Variants in NTN4 observed in about 807,000 individuals in gnomAD.
NTN4 encodes netrin-4.
Under a neutral mutation model 73.6 loss-of-function variants are expected in NTN4, and 32 were observed. The ratio of observed to expected loss-of-function variants is 0.44; its 90% confidence interval spans 0.33 to 0.58. The LOEUF (loss-of-function observed/expected upper bound fraction) is 0.58. Ranked by LOEUF, NTN4 falls within the 20% of genes least tolerant of loss-of-function variation. NTN4 has a pLI of 0.04. For synonymous variants in NTN4, 258 were observed against 287.5 expected, an observed-to-expected ratio of 0.90 and a Z score of 1.04; for missense variants, 654 against 798.3, an observed-to-expected ratio of 0.82 and a Z score of 2.18.
At chr12:95,672,216 C>T (rs1397895302) in intron 7 of NTN4, 25 of 451,040 alleles carry the variant, frequency 5.5e-5, no homozygotes, top group East Asian at 1.0e-4. Context: ...GGGGGGCGGG[C>T]GGGGGGAGGG....
Position 95,665,627 on chromosome 12 carries a change from G to C in NTN4, c.1750+183C>G, listed in dbSNP as rs770782413. On this transcript the variant is annotated intron_variant, in intron 9 of 9. Transcript: ENST00000343702. ...ATATTAAACTTTTATAGAGCACATGGAAGAGAAATAATTTTTCGATGTTAG... is the reference window on the plus strand; with the variant it reads ...ATATTAAACTTTTATAGAGCACATGCAAGAGAAATAATTTTTCGATGTTAG... 24 of 491,560 alleles carry C rather than the reference G, an allele frequency of 4.9e-5. 1 individual carries two copies. Among genetic ancestry groups the C allele is most frequent in the Non-Finnish European group, 5.4e-5 (15 of 278,020 alleles). 30.4% of individuals were successfully genotyped at this position (491,560 alleles called of 1,614,324 possible). A position where few individuals can be genotyped will look rare whatever the true frequency, so the allele number is the denominator to read the frequency against.
At chr12:95,739,574 A>G (rs942241361) in intron 2 of NTN4, among the ~76,000 whole-genome samples, 2 of 152,222 alleles carry the variant, frequency 1.3e-5, no homozygotes, top group East Asian at 3.8e-4. Flanking sequence ...TGGGCTTTAT[A>G]TGGAACTGAT....
At chr12:95,705,544 G>A (rs888671729) in intron 5 of NTN4, among the ~76,000 whole-genome samples, 3 of 151,956 alleles carry the variant, frequency 2.0e-5, no homozygotes, top group South Asian at 2.1e-4. Context: ...TCTTCCTTCT[G>A]TTCCTTTTTG....
intron 2 of NTN4, among the ~76,000 whole-genome samples, chr12:95,738,884 G>C (rs1218574829): frequency 6.6e-6 from 1 of 152,198 alleles, no homozygotes; most frequent in Admixed American, 6.5e-5. Flanking sequence ...CCAGTAGCCA[G>C]AGTGGTTCTC....
chr12:95,724,635 A>G (rs1183811073), intron 3 of NTN4, among the ~76,000 whole-genome samples: 2 of 152,234 alleles, frequency 1.3e-5, no homozygotes, highest in African/African-American at 2.4e-5. Context: ...GCAAAAGATG[A>G]TCAACAAGTA....
At chr12:95,677,215 T>G (rs889784262) in intron 7 of NTN4, among the ~76,000 whole-genome samples, 5 of 151,262 alleles carry the variant, frequency 3.3e-5, no homozygotes, top group African/African-American at 1.2e-4. Flanking sequence ...GGTGACAGAG[T>G]GAGACTCCAA....
At chr12:95,659,272 G>C (rs374205638) in intron 9 of NTN4, 50 bp from the exon 10 acceptor site, 3 of 1,412,368 alleles carry the variant, frequency 2.1e-6, no homozygotes, top group Non-Finnish European at 1.9e-6. Flanking sequence ...TTTGTTGAAG[G>C]GAGAGATGTG....
chr12:95,770,988 A>AATTT (rs2079053316), intron 2 of NTN4, among the ~76,000 whole-genome samples: 3 of 58,070 alleles, frequency 5.2e-5, no homozygotes, highest in African/African-American at 1.3e-4. Context: ...CAGGAAAAGA[A>AATTT]TTTGTTTTTT....
intron 2 of NTN4, among the ~76,000 whole-genome samples, chr12:95,762,604 TCTCTA>T (rs761318558): frequency 1.3e-5 from 2 of 152,254 alleles, no homozygotes; most frequent in Non-Finnish European, 2.9e-5. Flanking sequence ...GATATTTTTC[TCTCTA>T]CTGTGTCCTA....
chr12:95,660,430 G>A (rs1365282701), intron 9 of NTN4, among the ~76,000 whole-genome samples: 2 of 151,870 alleles, frequency 1.3e-5, no homozygotes, highest in East Asian at 1.9e-4. Flanking sequence ...TTTTGGAATA[G>A]GATGTTTGTT....
intron 5 of NTN4, among the ~76,000 whole-genome samples, chr12:95,699,475 C>T (rs532099059): frequency 1.3e-4 from 20 of 152,160 alleles, no homozygotes; most frequent in South Asian, 2.1e-4. Flanking sequence ...TCAGTGCAAA[C>T]GGAAATGCAG....
chr12:95,764,667 C>T (rs372937022), intron 2 of NTN4, among the ~76,000 whole-genome samples: 9 of 143,308 alleles, frequency 6.3e-5, no homozygotes, highest in South Asian at 2.3e-4. Context: ...TCCATCCCCC[C>T]GCCCCGACCA....
chr12:95,676,207 G>A (rs1184023698), intron 7 of NTN4, among the ~76,000 whole-genome samples: 3 of 152,076 alleles, frequency 2.0e-5, no homozygotes, highest in Non-Finnish European at 2.9e-5. Context: ...AGGTTCAAGT[G>A]ATTCTCCTGC....
At chr12:95,740,290 C>A (rs914989613) in intron 2 of NTN4, among the ~76,000 whole-genome samples, 3 of 152,164 alleles carry the variant, frequency 2.0e-5, no homozygotes, top group Non-Finnish European at 4.4e-5. Flanking sequence ...TTTCTTCAAA[C>A]TTCCCCAGAA....
At chr12:95,662,162 T>G (rs970386620) in intron 9 of NTN4, among the ~76,000 whole-genome samples, 2 of 151,854 alleles carry the variant, frequency 1.3e-5, no homozygotes, top group African/African-American at 4.8e-5. Flanking sequence ...AATGTGAAAT[T>G]TAAAAATTTC....
At chr12:95,733,629 T>A (rs73223870) in intron 3 of NTN4, among the ~76,000 whole-genome samples, 1 of 152,262 alleles carries the variant, frequency 6.6e-6, no homozygotes, top group Non-Finnish European at 1.5e-5. Flanking sequence ...TTTAGCTGTG[T>A]TTGGCTCCAA....
At chr12:95,677,228 C>CA (rs1017015153) in intron 7 of NTN4, among the ~76,000 whole-genome samples, 172 of 137,900 alleles carry the variant, frequency 1.2e-3, no homozygotes, top group Middle Eastern at 3.8e-3. Context: ...GACTCCAACT[C>CA]AAAAAAAAAA....
intron 7 of NTN4, 134 bp downstream of exon 7, chr12:95,682,573 C>T (rs1565882348): frequency 3.6e-6 from 2 of 560,066 alleles, no homozygotes; most frequent in Non-Finnish European, 6.4e-6. Context: ...GGAGTCACTA[C>T]TTTATTATAC....
In NTN4 at chr12:95,683,569, G is replaced by A. The variant is rs374588773; in HGVS notation, c.1323C>T (p.Phe441=). The change falls in exon 6 of 10, where the codon TTC becomes TTT. Residue 441 remains phenylalanine, a synonymous_variant. Coordinates refer to ENST00000343702, the MANE Select transcript of NTN4 (RefSeq NM_021229.4). ...CDRCMVGYWG[F]GDYGCRPCDC... is the part of the protein sequence containing the mutation. ...CACATGGTCGACAGCCATAGTCTCC[G>A]AAGCCCCAGTATCCCACCATGCACC... The A allele has an allele frequency of 3.5e-5, 57 of 1,614,164 alleles. No individual in the cohort carries two copies. In the African/African-American group the frequency reaches 4.8e-4, roughly 14 times the overall value.
Sources: gnomAD v4.1 joint callset for allele counts (sites outside exome capture counted in the v4.1 genomes callset) on GRCh38, gnomAD v4.1.1 for gene constraint, MANE v1.5 for transcripts, NCBI Gene and HGNC (gene_info 2026-07-23, HGNC 2026-07-21) for gene names.